PTPRT: variants seen among roughly 807,000 people sequenced by gnomAD.
The protein encoded by PTPRT is receptor-type tyrosine-protein phosphatase T.
PTPRT carries 56 observed loss-of-function variants against 176.8 expected under a neutral mutation model. The ratio of observed to expected loss-of-function variants is 0.32; its 90% CI spans 0.26 to 0.40. The LOEUF is 0.40. PTPRT is among the 10% of genes least tolerant of loss of function. The pLI is 1.00. For synonymous variants in PTPRT, 783 were observed against 739.0 expected (o/e 1.06, Z -0.96); for missense variants, 1,540 against 1,908.2 (o/e 0.81, Z 3.60).
At chr20:42,991,338 T>C (rs926841282) in intron 1 of PTPRT, among the ~76,000 whole-genome samples, 1 of 152,054 alleles carries the variant, frequency 6.6e-6, no homozygotes, top group Admixed American at 6.5e-5. Flanking sequence ...ATACATACAT[T>C]ATCTATCACA....
chr20:43,167,751 G>A (rs2014892812), intron 1 of PTPRT, among the ~76,000 whole-genome samples: 1 of 152,186 alleles, frequency 6.6e-6, no homozygotes, highest in Non-Finnish European at 1.5e-5. Flanking sequence ...GAAACTGAGG[G>A]TGGCTTCTGG....
chr20:43,157,734 A>T (rs1275227787), intron 1 of PTPRT, among the ~76,000 whole-genome samples: 1 of 152,066 alleles, frequency 6.6e-6, no homozygotes, highest in Non-Finnish European at 1.5e-5. Context: ...ATGCTTTCAG[A>T]CTCCAAGGAG....
At chr20:42,869,274 C>T (rs937592821) in intron 2 of PTPRT, among the ~76,000 whole-genome samples, 3 of 152,254 alleles carry the variant, frequency 2.0e-5, no homozygotes, top group African/African-American at 4.8e-5. Flanking sequence ...GCCACCATCA[C>T]GCAACACAAG....
At chr20:42,241,198 G>A (rs1284765233) in intron 14 of PTPRT, among the ~76,000 whole-genome samples, 1 of 152,166 alleles carries the variant, frequency 6.6e-6, no homozygotes, top group Non-Finnish European at 1.5e-5. Context: ...GGCAACACAT[G>A]GAGCTGTCAG....
intron 7 of PTPRT, among the ~76,000 whole-genome samples, chr20:42,648,562 C>A (rs2074958679): frequency 6.6e-6 from 1 of 152,136 alleles, no homozygotes; most frequent in Non-Finnish European, 1.5e-5. Context: ...GACTAAAACA[C>A]AGCCCAAGAA....
rs561526348 is a variant in PTPRT, at chr20:42,241,177, T to C, written c.2313-4919A>G. ...TTGTATTATCTTCTGTCATGATAAA[T>C]TGTATGATAAGGCAACACATGGAGC... On this transcript the variant is annotated intron_variant, in intron 14 of 30. Transcript: ENST00000373187. 9.9e-4 allele frequency among the ~76,000 whole-genome samples: 150 copies of C among 152,250 alleles called. 3 individuals carry two copies. In the South Asian group the frequency reaches 0.015, roughly 15 times the overall value.
At chr20:42,432,458 G>A (rs2059223455) in intron 9 of PTPRT, among the ~76,000 whole-genome samples, 1 of 152,186 alleles carries the variant, frequency 6.6e-6, no homozygotes, top group Admixed American at 6.5e-5. Context: ...TCTTGGCCAA[G>A]GGGACCCCAG....
intron 7 of PTPRT, among the ~76,000 whole-genome samples, chr20:42,577,867 G>A (rs1364266585): frequency 7.1e-6 from 1 of 140,874 alleles, no homozygotes; most frequent in African/African-American, 2.8e-5. Flanking sequence ...GTGTGTGTGT[G>A]TACAGGCATA....
intron 16 of PTPRT, among the ~76,000 whole-genome samples, chr20:42,197,071 C>T (rs539380960): frequency 1.3e-5 from 2 of 152,226 alleles, no homozygotes; most frequent in South Asian, 4.1e-4. Context: ...TGCAGGACGA[C>T]AGCCCTAGAC....
intron 2 of PTPRT, among the ~76,000 whole-genome samples, chr20:42,832,801 TA>T (rs778457370): frequency 0.012 from 1,285 of 107,300 alleles, 13 homozygotes; most frequent in Non-Finnish European, 0.016. Flanking sequence ...TAGGATTTGT[TA>T]AAAAAAAAAA....
chr20:42,747,751 A>G (rs556003978), intron 6 of PTPRT, among the ~76,000 whole-genome samples: 3 of 152,320 alleles, frequency 2.0e-5, no homozygotes, highest in African/African-American at 7.2e-5. Flanking sequence ...AGAAAAGAGA[A>G]TAAGAGGGCA....
intron 7 of PTPRT, among the ~76,000 whole-genome samples, chr20:42,503,662 T>A (rs2071794694): frequency 6.6e-6 from 1 of 152,130 alleles, no homozygotes; most frequent in Non-Finnish European, 1.5e-5. Context: ...TGCAGCATTT[T>A]ATACTTGTCA....
At chr20:42,805,493 C>T (rs2077592545) in intron 2 of PTPRT, among the ~76,000 whole-genome samples, 1 of 152,152 alleles carries the variant, frequency 6.6e-6, no homozygotes, top group Admixed American at 6.5e-5. Flanking sequence ...CTGCTCCACA[C>T]CAGGCACTGT....
intron 7 of PTPRT, among the ~76,000 whole-genome samples, chr20:42,605,063 T>G (rs1569010769): frequency 1.3e-5 from 2 of 152,024 alleles, no homozygotes; most frequent in Non-Finnish European, 2.9e-5. Flanking sequence ...AGGGCAGAGA[T>G]GAAAGTAGAA....
At chr20:43,121,695 G>A (rs1318192931) in intron 1 of PTPRT, among the ~76,000 whole-genome samples, 1 of 152,114 alleles carries the variant, frequency 6.6e-6, no homozygotes, top group Non-Finnish European at 1.5e-5. Context: ...TTCATGCCAA[G>A]ACAAGAAGGA....
chr20:42,235,592 T>G (rs2056226071), intron 15 of PTPRT, among the ~76,000 whole-genome samples: 1 of 152,134 alleles, frequency 6.6e-6, no homozygotes, highest in Admixed American at 6.5e-5. Context: ...TAATCACTTT[T>G]TTTTAGCAAG....
chr20:42,501,325 C>T (rs945517355), intron 7 of PTPRT, among the ~76,000 whole-genome samples: 2 of 152,142 alleles, frequency 1.3e-5, no homozygotes, highest in Non-Finnish European at 2.9e-5. Context: ...ACATGAATAT[C>T]CCACATTTAT....
intron 2 of PTPRT, among the ~76,000 whole-genome samples, chr20:42,884,739 T>C (rs2079076054): frequency 6.6e-6 from 1 of 152,038 alleles, no homozygotes; most frequent in African/African-American, 2.4e-5. Context: ...AAGACAGGTG[T>C]GGGTTAAAGT....
At chr20:42,502,381 T>G (rs1027754196) in intron 7 of PTPRT, among the ~76,000 whole-genome samples, 1 of 146,558 alleles carries the variant, frequency 6.8e-6, no homozygotes, top group African/African-American at 2.5e-5. Flanking sequence ...GGCACTCTCC[T>G]AGAAAAAATT....
Sources: allele counts gnomAD v4.1 joint callset (sites outside exome capture counted in the v4.1 genomes callset), GRCh38; gene constraint gnomAD v4.1.1; transcripts MANE v1.5; gene names NCBI Gene and HGNC (gene_info 2026-07-23, HGNC 2026-07-21).